Variants in STK32B observed in about 807,000 individuals in gnomAD.
STK32B encodes the protein serine/threonine-protein kinase 32B.
A neutral mutation model predicts 52.6 loss-of-function variants in STK32B; 43 were observed. That is an observed-to-expected ratio of 0.82 (90% CI 0.64 to 1.05). The LOEUF (loss-of-function observed/expected upper bound fraction) is 1.05, where lower values mean the gene tolerates loss of function less well. STK32B is among the 50% of genes least tolerant of loss of function. STK32B has a pLI of 0.00. For missense variants in STK32B, 621 were observed against 534.6 expected (o/e 1.16, Z -1.59); for synonymous variants, 238 against 204.3 (o/e 1.17, Z -1.41).
intron 4 of STK32B, among the ~76,000 whole-genome samples, chr4:5,344,306 C>T (rs559249272): frequency 6.6e-6 from 1 of 152,252 alleles, no homozygotes; most frequent in South Asian, 2.1e-4. Context: ...GTAGCATTAC[C>T]TACATGAAAT....
At chr4:5,044,313 T>C in the STK32B span, among the ~76,000 whole-genome samples, 1 of 152,128 alleles carries the variant, frequency 6.6e-6, no homozygotes, top group African/African-American at 2.4e-5. Flanking sequence ...ACTCCCAAAT[T>C]GTAATTCCTA....
intron 2 of STK32B, among the ~76,000 whole-genome samples, chr4:5,161,269 G>A (rs1401331591): frequency 6.6e-6 from 1 of 152,210 alleles, no homozygotes; most frequent in East Asian, 1.9e-4. Flanking sequence ...TGGGATTTAT[G>A]TGCTGTGAAA....
chr4:5,475,783 A>G lies in STK32B; in HGVS notation c.1106+7713A>G, dbSNP rs572806244. Among the ~76,000 whole-genome samples, 118 of 151,906 alleles carry G rather than the reference A, an allele frequency of 7.8e-4. No homozygotes were observed. In the Middle Eastern group the frequency reaches 0.017, roughly 22 times the overall value. ...AAAAAAAAAAGACATAGAAAATACTATCATTTTTAAGTGTATTGAAAAGCT... is the reference window on the plus strand; with the variant it reads ...AAAAAAAAAAGACATAGAAAATACTGTCATTTTTAAGTGTATTGAAAAGCT... On this transcript the variant is annotated intron_variant, in intron 11 of 11. Transcript: ENST00000282908.
At chr4:5,452,788 A>G (rs776903284) in intron 7 of STK32B, among the ~76,000 whole-genome samples, 3 of 152,108 alleles carry the variant, frequency 2.0e-5, no homozygotes, top group African/African-American at 7.2e-5. Context: ...AATTTTTTTT[A>G]GAAACCGAGT....
At chr4:5,480,597 T>C (rs1347026320) in intron 11 of STK32B, among the ~76,000 whole-genome samples, 1 of 152,136 alleles carries the variant, frequency 6.6e-6, no homozygotes, top group Non-Finnish European at 1.5e-5. Flanking sequence ...TTTCTTTCAT[T>C]ATACTTTAAG....
chr4:5,280,328 C>T (rs1020687846), intron 3 of STK32B, among the ~76,000 whole-genome samples: 10 of 152,150 alleles, frequency 6.6e-5, no homozygotes, highest in African/African-American at 2.2e-4. Context: ...TCCTCATCTC[C>T]ATCTGAGACC....
rs772217774 is a variant in STK32B, at chr4:5,395,325, G to A, written c.435-2882G>A. 1.3e-5 allele frequency among the ~76,000 whole-genome samples: 2 copies of A among 152,186 alleles called. No individual in the cohort carries two copies. Among genetic ancestry groups the A allele is most frequent in the East Asian group, 1.9e-4 (1 of 5,194 alleles). On this transcript the variant is annotated intron_variant, in intron 4 of 11. Coordinates refer to ENST00000282908, the MANE Select transcript of STK32B (RefSeq NM_018401.3). This position sits in a 1 kb window ranked among gnomAD's most constrained non-coding sequence, Gnocchi z 4.4. ...TGTCAGCTTCCATGGCTAGGACCAC[G>A]TCACAGGTGAGATCATTTATTCTCT...
chr4:5,339,866 G>A (rs1485660003), intron 4 of STK32B, among the ~76,000 whole-genome samples: 1 of 152,088 alleles, frequency 6.6e-6, no homozygotes, highest in African/African-American at 2.4e-5. Flanking sequence ...TCTTTTAGAC[G>A]CCTCATACTT....
At chr4:5,414,759 C>T (rs1387675490) in intron 5 of STK32B, among the ~76,000 whole-genome samples, 4 of 152,092 alleles carry the variant, frequency 2.6e-5, no homozygotes, top group Non-Finnish European at 5.9e-5. Context: ...ATGGAGGAGC[C>T]AGATGAATTG....
At chr4:5,372,375 T>C (rs1735298506) in intron 4 of STK32B, among the ~76,000 whole-genome samples, 2 of 152,092 alleles carry the variant, frequency 1.3e-5, no homozygotes, top group African/African-American at 4.8e-5. Flanking sequence ...ACTTGGTTAA[T>C]TTACCGAAAA....
chr4:5,486,865 G>C (rs1342469472), intron 11 of STK32B, among the ~76,000 whole-genome samples: 2 of 152,240 alleles, frequency 1.3e-5, no homozygotes, highest in African/African-American at 2.4e-5. Flanking sequence ...TCATAAGAAG[G>C]AGAAATATTA....
chr4:5,250,872 G>A (rs938564115), intron 3 of STK32B, among the ~76,000 whole-genome samples: 45 of 152,232 alleles, frequency 3.0e-4, no homozygotes, highest in African/African-American at 1.1e-3. Flanking sequence ...TTTGAAAAGT[G>A]TCTGTTCATT....
intron 7 of STK32B, among the ~76,000 whole-genome samples, chr4:5,448,908 TG>T (rs1213891714): frequency 1.3e-5 from 2 of 152,212 alleles, no homozygotes; most frequent in Non-Finnish European, 2.9e-5. Flanking sequence ...GTCAAAAAGC[TG>T]TGCTGAAAAA....
intron 3 of STK32B, among the ~76,000 whole-genome samples, chr4:5,248,125 T>A (rs1373111677): frequency 6.6e-6 from 1 of 152,242 alleles, no homozygotes; most frequent in Admixed American, 6.5e-5. Flanking sequence ...ATTTGCCATA[T>A]TGCTGAGGTC....
intron 4 of STK32B, among the ~76,000 whole-genome samples, chr4:5,376,309 G>A (rs944552342): frequency 6.6e-6 from 1 of 152,042 alleles, no homozygotes. Context: ...CTCATTCATC[G>A]CCAAATAAAT....
At chr4:5,333,184 C>T (rs544267675) in intron 4 of STK32B, among the ~76,000 whole-genome samples, 1 of 152,054 alleles carries the variant, frequency 6.6e-6, no homozygotes, top group East Asian at 1.9e-4. Context: ...TAATGATTGC[C>T]ATTCTAACTG....
At chr4:5,489,937 C>T (rs1184718254) in intron 11 of STK32B, among the ~76,000 whole-genome samples, 1 of 152,064 alleles carries the variant, frequency 6.6e-6, no homozygotes, top group Non-Finnish European at 1.5e-5. Context: ...ATAAATACAT[C>T]TAGACAGACA....
chr4:5,153,558 C>G (rs1191104760), intron 2 of STK32B, among the ~76,000 whole-genome samples: 2 of 151,252 alleles, frequency 1.3e-5, no homozygotes, highest in African/African-American at 4.9e-5. Context: ...CTCTCTCGAC[C>G]TGATAAAAAG....
chr4:5,188,683 C>A (rs546247285), intron 3 of STK32B, among the ~76,000 whole-genome samples: 1 of 152,248 alleles, frequency 6.6e-6, no homozygotes, highest in East Asian at 1.9e-4. Context: ...ACACAATATA[C>A]ATTTTAATTA....
Sources: gnomAD v4.1 joint callset for allele counts (sites outside exome capture counted in the v4.1 genomes callset) on GRCh38, gnomAD v4.1.1 for gene constraint, Gnocchi (gnomAD v3.1) non-coding constraint, MANE v1.5 for transcripts, NCBI Gene and HGNC (gene_info 2026-07-23, HGNC 2026-07-21) for gene names.